The following ITSN2 variants were observed in gnomAD, a reference collection of about 807,000 sequenced individuals.
The protein encoded by ITSN2 is intersectin-2.
A neutral mutation model predicts 243.7 loss-of-function variants in ITSN2; 156 were observed. The observed-to-expected ratio is 0.64, with a 90% CI of 0.56 to 0.73. ITSN2 has a LOEUF of 0.73. Among genes scored for constraint, ITSN2 ranks in the 30% least tolerant of loss-of-function variants. The pLI is 0.00. For missense variants in ITSN2, 1,801 were observed against 1,996.1 expected, an observed-to-expected ratio of 0.90 and a Z score of 1.86; for synonymous variants, 703 against 699.9, an observed-to-expected ratio of 1.00 and a Z score of -0.07.
At chr2:24,226,297 T>C (rs944862021) in intron 29 of ITSN2, among the ~76,000 whole-genome samples, 7 of 152,264 alleles carry the variant, frequency 4.6e-5, no homozygotes, top group African/African-American at 1.7e-4. Flanking sequence ...TCTAAGCTTC[T>C]GTTCTATTTG....
Position 24,261,259 on chromosome 2 carries a change from A to G in ITSN2, c.2538-9T>C, listed in dbSNP as rs768653361. Reference sequence around the variant, plus strand: ...GATTTGAAGAAAGTGGTCTGCAAATATAACACTTTGATATAAGTATATTTA... The same window carrying G: ...GATTTGAAGAAAGTGGTCTGCAAATGTAACACTTTGATATAAGTATATTTA... On this transcript the variant is annotated splice_polypyrimidine_tract_variant and intron_variant, in intron 21 of 39. Transcript: ENST00000355123. 5.0e-6 allele frequency: 8 copies of G among 1,596,766 alleles called. No homozygotes were observed. Among genetic ancestry groups the G allele is most frequent in the Admixed American group, 1.7e-5 (1 of 59,548 alleles).
rs765381446 is a variant in ITSN2 at position 24,295,667 on chromosome 2, A to G, written c.1632T>C (p.Leu544=). 1 of 1,533,502 alleles carries G rather than the reference A, an allele frequency of 6.5e-7. No homozygotes were observed. The highest frequency in any genetic ancestry group is 1.3e-5 in the South Asian group (1 of 76,732). The allele number at this position is 1,533,502 out of a possible 1,614,324, so 95.0% of individuals were successfully genotyped here. A position where few individuals can be genotyped will look rare whatever the true frequency, so the allele number is the denominator to read the frequency against. ...AATTTAGCAGTGAAGGACTTACCTG[A>G]AGTTCCTGTTGAAGTTGCTTGATTT... The part of the protein sequence containing the change: ...IMEIKQLQQE[L]QEYQNKLIYL... Residue 544 remains leucine, a synonymous_variant, in exon 14 of 40, where the codon CTT becomes CTC. Coordinates refer to ENST00000355123, the MANE Select transcript of ITSN2 (RefSeq NM_006277.3).
chr2:24,256,614 T>C (rs1195873133), intron 23 of ITSN2, among the ~76,000 whole-genome samples: 2 of 152,238 alleles, frequency 1.3e-5, no homozygotes, highest in East Asian at 3.8e-4. Context: ...GAGACCTATC[T>C]AGTTTTTAGC....
chr2:24,254,453 A>C (rs746600923), intron 23 of ITSN2, 22 bp from the exon 24 acceptor site: 2 of 1,550,294 alleles, frequency 1.3e-6, no homozygotes, highest in South Asian at 1.1e-5. Flanking sequence ...ATAAACAAAC[A>C]AACAAACAAA....
In ITSN2 at chr2:24,327,909, A is replaced by G. The variant is rs1398210055; in HGVS notation, c.31+143T>C. 6.1e-6 allele frequency: 4 copies of G among 656,134 alleles called. No individual in the cohort carries two copies. The East Asian group carries it at 1.1e-4, about 18-fold the overall frequency. 40.6% of individuals were successfully genotyped at this position (656,134 alleles called of 1,614,324 possible). ...TAATATTCTTACAGAAGACATATGC[A>G]GTGTTCCAAAATATTTTCCAAGAAT... On this transcript the variant is annotated intron_variant, in intron 2 of 39. Transcript: ENST00000355123.
chr2:24,311,089 T>A (rs1163698496), intron 5 of ITSN2, among the ~76,000 whole-genome samples: 1 of 148,286 alleles, frequency 6.7e-6, no homozygotes, highest in Non-Finnish European at 1.5e-5. Flanking sequence ...ACACACACAT[T>A]CTTCTTCTCT....
intron 30 of ITSN2, among the ~76,000 whole-genome samples, chr2:24,220,150 G>A (rs919797092): frequency 6.6e-6 from 1 of 152,212 alleles, no homozygotes; most frequent in Non-Finnish European, 1.5e-5. Context: ...GCAGAAGGAC[G>A]CAGCCTCTGC....
intron 18 of ITSN2, among the ~76,000 whole-genome samples, chr2:24,273,366 T>G (rs1331132708): frequency 1.3e-5 from 2 of 152,222 alleles, no homozygotes; most frequent in East Asian, 3.8e-4. Flanking sequence ...CCTCACTTAA[T>G]TTCAACTAAT....
chr2:24,223,821 A>AG (rs1347510983), intron 29 of ITSN2, among the ~76,000 whole-genome samples: 4 of 6,232 alleles, frequency 6.4e-4, no homozygotes, highest in African/African-American at 1.4e-3. Flanking sequence ...AAGGGAAGGA[A>AG]GGGAAAAAAA....
chr2:24,281,874 C>T (rs565473143), intron 17 of ITSN2, among the ~76,000 whole-genome samples: 2 of 152,348 alleles, frequency 1.3e-5, no homozygotes, highest in East Asian at 3.9e-4. Context: ...TGCATCTCCA[C>T]CCCTCTTCTT....
chr2:24,235,073 G>A (rs1672001628), intron 29 of ITSN2, among the ~76,000 whole-genome samples: 1 of 152,188 alleles, frequency 6.6e-6, no homozygotes, highest in Non-Finnish European at 1.5e-5. Flanking sequence ...ATTCAGAATT[G>A]CCAAAACTTG....
chr2:24,211,073 G>T lies in ITSN2; in HGVS notation c.4090-126C>A, dbSNP rs1033290745. ...TTCCATGCCCTGGAAACGCGGCGGT[G>T]AACAAGACGACACTTTCCGCCCTTG... On this transcript the variant is annotated intron_variant, in intron 33 of 39. Transcript: ENST00000355123. The surrounding 1 kb of genome is among the most constrained non-coding windows in gnomAD (Gnocchi z 4.1). 8.4e-6 allele frequency: 7 copies of T among 828,812 alleles called. No homozygotes were observed. In the African/African-American group the frequency reaches 1.0e-4, roughly 12 times the overall value. 51.3% of individuals were successfully genotyped at this position (828,812 alleles called of 1,614,324 possible). A position where few individuals can be genotyped will look rare whatever the true frequency, so the allele number is the denominator to read the frequency against.
rs762550534 is a variant in ITSN2, at chr2:24,300,109, G to A, written c.1144C>T (p.Arg382Cys). ...ERGNMELEKR[R>C]QALMEQQQRE... ...TGTTGCTGCTCCATCAAGGCTTGGC[G>A]TCGCTTTTCCAGCTCCATGTTCCCT... The change falls in exon 12 of 40, where the codon CGC becomes TGC. Residue 382 changes from arginine (R) to cysteine (C), a missense_variant. By Grantham distance (180) the Arg-to-Cys change is radical. This residue lies in a region of ITSN2 where 787 missense variants were observed against 803.9 expected (regional missense o/e 0.98). Coordinates refer to ENST00000355123, the MANE Select transcript of ITSN2 (RefSeq NM_006277.3). The A allele has an allele frequency of 1.5e-5, 25 of 1,613,956 alleles. No homozygotes were observed. Among genetic ancestry groups the A allele is most frequent in the African/African-American group, 8.0e-5 (6 of 74,874 alleles).
At chr2:24,236,705 T>G (rs1193651407) in intron 29 of ITSN2, among the ~76,000 whole-genome samples, 1 of 148,786 alleles carries the variant, frequency 6.7e-6, no homozygotes, top group Non-Finnish European at 1.5e-5. Context: ...GGTCTCATTC[T>G]GTCACTCAGG....
intron 22 of ITSN2, among the ~76,000 whole-genome samples, chr2:24,259,945 C>T (rs866061432): frequency 3.8e-4 from 58 of 152,230 alleles, no homozygotes; most frequent in Middle Eastern, 6.8e-3. Flanking sequence ...GTTTTAGAGA[C>T]GGGGCTCACT....
chr2:24,351,276 C>G (rs779248822), intron 1 of ITSN2, among the ~76,000 whole-genome samples: 1 of 152,202 alleles, frequency 6.6e-6, no homozygotes, highest in Non-Finnish European at 1.5e-5. Context: ...TTTGTTTTCA[C>G]GCCTGCCCCG....
At chr2:24,332,603 T>C (rs1685914752) in intron 1 of ITSN2, among the ~76,000 whole-genome samples, 1 of 152,214 alleles carries the variant, frequency 6.6e-6, no homozygotes, top group African/African-American at 2.4e-5. Context: ...TTAACTGTGG[T>C]AACATCTAAA....
intron 23 of ITSN2, among the ~76,000 whole-genome samples, chr2:24,257,463 C>A (rs961576300): frequency 6.9e-6 from 1 of 145,906 alleles, no homozygotes; most frequent in East Asian, 2.0e-4. Context: ...TTTCTTTTTT[C>A]TTTTTTTTTT....
In ITSN2 at chr2:24,216,243, C is replaced by T. The variant is rs376345659; in HGVS notation, c.3807-11G>A. On this transcript the variant is annotated splice_polypyrimidine_tract_variant and intron_variant, in intron 31 of 39. Coordinates refer to ENST00000355123, the MANE Select transcript of ITSN2 (RefSeq NM_006277.3). Reference sequence around the variant, plus strand: ...CGCACCCGCAAAGCCCTGCCAAGAACACACTCTCATTTTGTGTTTCTAAGT... The same window carrying T: ...CGCACCCGCAAAGCCCTGCCAAGAATACACTCTCATTTTGTGTTTCTAAGT... The T allele has an allele frequency of 1.3e-6, 2 of 1,572,084 alleles. No individual in the cohort carries two copies. Among genetic ancestry groups the T allele is most frequent in the African/African-American group, 2.7e-5 (2 of 73,180 alleles).
Sources: gnomAD v4.1 joint callset for allele counts (sites outside exome capture counted in the v4.1 genomes callset) on GRCh38, gnomAD v4.1.1 for gene constraint, gnomAD v4.1.1 regional missense constraint, Gnocchi (gnomAD v3.1) non-coding constraint, MANE v1.5 for transcripts, NCBI Gene and HGNC (gene_info 2026-07-23, HGNC 2026-07-21) for gene names.